Variants in EYA3 observed in about 807,000 individuals in gnomAD.
The protein encoded by EYA3 is EYA transcriptional coactivator and phosphatase 3.
EYA3 carries 39 observed loss-of-function variants against 80.0 expected under a neutral mutation model. The ratio of observed to expected loss-of-function variants is 0.49; its 90% CI spans 0.38 to 0.64. The LOEUF is 0.64. EYA3 is among the 30% of genes least tolerant of loss of function. EYA3 has a pLI of 0.00. For synonymous variants in EYA3, 206 were observed against 232.8 expected, an observed-to-expected ratio of 0.88 and a Z score of 1.05; for missense variants, 523 against 676.1, an observed-to-expected ratio of 0.77 and a Z score of 2.51.
intron 2 of EYA3, among the ~76,000 whole-genome samples, chr1:28,057,747 C>G (rs1644483043): frequency 2.0e-5 from 3 of 152,082 alleles, no homozygotes; most frequent in Admixed American, 6.5e-5. Flanking sequence ...TTTCTAAAAA[C>G]TGTAACACTA....
At chr1:28,038,061 G>C (rs544745789) in intron 5 of EYA3, among the ~76,000 whole-genome samples, 3 of 146,082 alleles carry the variant, frequency 2.1e-5, no homozygotes, top group Middle Eastern at 3.5e-3. Context: ...ACCCCATGAA[G>C]GCCCAAAACA....
chr1:28,002,568 T>G (rs1220440162), intron 11 of EYA3, among the ~76,000 whole-genome samples: 1 of 151,248 alleles, frequency 6.6e-6, no homozygotes, highest in Non-Finnish European at 1.5e-5. Flanking sequence ...CACAGCACTT[T>G]GGGAGACTGA....
intron 17 of EYA3, among the ~76,000 whole-genome samples, chr1:27,975,320 T>C (rs985038047): frequency 2.6e-5 from 4 of 152,074 alleles, no homozygotes; most frequent in African/African-American, 9.7e-5. Context: ...TAGCTGGGAC[T>C]AAAGGCATGT....
intron 1 of EYA3, among the ~76,000 whole-genome samples, chr1:28,079,795 C>CTT (rs761445915): frequency 7.9e-5 from 11 of 140,112 alleles, no homozygotes; most frequent in Non-Finnish European, 1.4e-4. Context: ...TAAACATTTT[C>CTT]TTTTTTTTTT....
chr1:27,991,611 G>A (rs1410600401), intron 14 of EYA3, among the ~76,000 whole-genome samples: 1 of 151,990 alleles, frequency 6.6e-6, no homozygotes, highest in East Asian at 1.9e-4. Flanking sequence ...AGTATAATTT[G>A]TTTTCAGATT....
intron 1 of EYA3, among the ~76,000 whole-genome samples, chr1:28,084,551 T>C (rs1225013221): frequency 1.1e-5 from 1 of 94,758 alleles, no homozygotes; most frequent in Non-Finnish European, 2.0e-5. Flanking sequence ...CATTGACTAT[T>C]CCAAAATATA....
intron 2 of EYA3, among the ~76,000 whole-genome samples, chr1:28,051,887 TA>T (rs1462773719): frequency 6.7e-6 from 1 of 149,916 alleles, no homozygotes; most frequent in Non-Finnish European, 1.5e-5. Context: ...CTGGCTGCAT[TA>T]AAGAAATTCA....
At chr1:28,083,374 G>T (rs1296761310) in intron 1 of EYA3, among the ~76,000 whole-genome samples, 1 of 152,092 alleles carries the variant, frequency 6.6e-6, no homozygotes, top group African/African-American at 2.4e-5. Context: ...ACAAAAATTA[G>T]CCGGGCTTGG....
intron 6 of EYA3, 57 bp downstream of exon 6, chr1:28,035,487 A>C: frequency 6.3e-7 from 1 of 1,590,350 alleles, no homozygotes; most frequent in Non-Finnish European, 8.6e-7. Flanking sequence ...GGCTGATCAA[A>C]GTTTCTGCGG....
chr1:28,059,407 A>G (rs930777409), intron 1 of EYA3, among the ~76,000 whole-genome samples: 61 of 152,358 alleles, frequency 4.0e-4, no homozygotes, highest in Admixed American at 3.9e-3. Context: ...CTAGTGATAC[A>G]GAATTACAGA....
chr1:28,070,545 G>C (rs535888588), intron 1 of EYA3, among the ~76,000 whole-genome samples: 22 of 152,114 alleles, frequency 1.4e-4, no homozygotes, highest in African/African-American at 5.1e-4. Flanking sequence ...CTGGGCTACA[G>C]AGTGAGACTC....
chr1:28,086,064 C>A (rs898717963), intron 1 of EYA3, among the ~76,000 whole-genome samples: 1 of 152,072 alleles, frequency 6.6e-6, no homozygotes, highest in African/African-American at 2.4e-5. Flanking sequence ...TAGTCTCATT[C>A]ATATATGACA....
chr1:28,056,644 T>C (rs547106850), intron 2 of EYA3, among the ~76,000 whole-genome samples: 14 of 152,330 alleles, frequency 9.2e-5, no homozygotes, highest in Admixed American at 9.2e-4. Context: ...TTCTCTGAAG[T>C]AATAATCAGG....
intron 1 of EYA3, among the ~76,000 whole-genome samples, chr1:28,078,385 C>A (rs1266162273): frequency 6.6e-6 from 1 of 152,188 alleles, no homozygotes; most frequent in Non-Finnish European, 1.5e-5. Context: ...AAATGTCAAT[C>A]ATGCCCTGTT....
At chr1:28,002,206 C>T (rs1640911987) in intron 11 of EYA3, among the ~76,000 whole-genome samples, 1 of 151,916 alleles carries the variant, frequency 6.6e-6, no homozygotes, top group African/African-American at 2.4e-5. Context: ...TGAGCCACCG[C>T]ACCCGGCAAT....
intron 7 of EYA3, among the ~76,000 whole-genome samples, chr1:28,023,267 T>G (rs1642570003): frequency 6.6e-6 from 1 of 151,898 alleles, no homozygotes; most frequent in African/African-American, 2.4e-5. Context: ...ATCAACAAAC[T>G]GGGGAGAAGA....
intron 2 of EYA3, among the ~76,000 whole-genome samples, chr1:28,050,055 A>T (rs1644179077): frequency 6.6e-6 from 1 of 152,038 alleles, no homozygotes; most frequent in Non-Finnish European, 1.5e-5. Flanking sequence ...TGAGGAGTCT[A>T]ACTTATCATA....
chr1:28,004,971 C>A (rs533448351), intron 10 of EYA3, among the ~76,000 whole-genome samples: 1 of 151,958 alleles, frequency 6.6e-6, no homozygotes, highest in Non-Finnish European at 1.5e-5. Flanking sequence ...AAAGAAGATT[C>A]AAATGACTAA....
chr1:28,012,148 T>C (rs542893190), intron 9 of EYA3, among the ~76,000 whole-genome samples: 2 of 152,292 alleles, frequency 1.3e-5, no homozygotes, highest in South Asian at 2.1e-4. Context: ...AGATGATGTA[T>C]AGCTGAAACA....
Sources: gnomAD v4.1 joint callset for allele counts (sites outside exome capture counted in the v4.1 genomes callset) on GRCh38, gnomAD v4.1.1 for gene constraint, MANE v1.5 for transcripts, NCBI Gene and HGNC (gene_info 2026-07-23, HGNC 2026-07-21) for gene names.